The following FILIP1L variants were observed in gnomAD, a reference collection of about 807,000 sequenced individuals.
FILIP1L encodes the protein filamin A interacting protein 1 like, also known as filamin A-interacting protein 1-like.
A neutral mutation model predicts 96.6 loss-of-function variants in FILIP1L; 55 were observed. The ratio of observed to expected loss-of-function variants is 0.57; its 90% confidence interval spans 0.46 to 0.71. The LOEUF (loss-of-function observed/expected upper bound fraction) is 0.71. Ranked by LOEUF, FILIP1L falls within the 30% of genes least tolerant of loss-of-function variation. FILIP1L has a pLI of 0.00. For missense variants in FILIP1L, 1,304 were observed against 1,321.2 expected, an observed-to-expected ratio of 0.99 and a Z score of 0.20; for synonymous variants, 467 against 473.9, an observed-to-expected ratio of 0.99 and a Z score of 0.19.
chr3:100,006,240 G>GC (rs1709982167), intron 1 of FILIP1L, among the ~76,000 whole-genome samples: 1 of 152,080 alleles, frequency 6.6e-6, no homozygotes, highest in East Asian at 1.9e-4. Context: ...GTTTTCCCCA[G>GC]CCCTCAACTG....
At chr3:99,853,328 C>T (rs956384842) in intron 4 of FILIP1L, among the ~76,000 whole-genome samples, 2 of 152,196 alleles carry the variant, frequency 1.3e-5, no homozygotes, top group Non-Finnish European at 2.9e-5. Context: ...ACAGTTCTTA[C>T]AGTTTTATTA....
chr3:100,013,770 G>T (rs933818171), intron 1 of FILIP1L, among the ~76,000 whole-genome samples: 1 of 152,152 alleles, frequency 6.6e-6, no homozygotes, highest in African/African-American at 2.4e-5. Context: ...CTTGTGAAAT[G>T]ATTAAATCCA....
intron 1 of FILIP1L, among the ~76,000 whole-genome samples, chr3:100,103,841 A>G (rs2066349763): frequency 6.6e-6 from 1 of 152,218 alleles, no homozygotes; most frequent in Admixed American, 6.5e-5. Context: ...AAAAGAGTCT[A>G]TGCCCTGTGT....
At chr3:99,906,057 G>A (rs953957819) in intron 4 of FILIP1L, among the ~76,000 whole-genome samples, 2 of 152,236 alleles carry the variant, frequency 1.3e-5, no homozygotes, top group African/African-American at 4.8e-5. Flanking sequence ...GCTGGGCATG[G>A]TGGTGCATGC....
intron 1 of FILIP1L, among the ~76,000 whole-genome samples, chr3:100,113,034 T>C (rs773665681): frequency 4.6e-5 from 7 of 152,238 alleles, no homozygotes; most frequent in Admixed American, 1.3e-4. Flanking sequence ...TTCTCCTTTA[T>C]GCATATCTAA....
At chr3:99,942,999 G>A (rs1707897083) in intron 1 of FILIP1L, among the ~76,000 whole-genome samples, 1 of 152,116 alleles carries the variant, frequency 6.6e-6, no homozygotes, top group African/African-American at 2.4e-5. Flanking sequence ...TTATTTCAAG[G>A]GGCAAAGAGC....
chr3:100,055,178 C>T (rs1310266075), intron 1 of FILIP1L, among the ~76,000 whole-genome samples: 7 of 152,184 alleles, frequency 4.6e-5, no homozygotes, highest in Non-Finnish European at 1.0e-4. Context: ...CAGTTCTCCT[C>T]GTCCTACTCT....
At chr3:99,900,864 A>G (rs1258244540) in intron 4 of FILIP1L, among the ~76,000 whole-genome samples, 1 of 152,220 alleles carries the variant, frequency 6.6e-6, no homozygotes, top group Non-Finnish European at 1.5e-5. Flanking sequence ...TACATGTAGC[A>G]AAGTGTTAGA....
At chr3:99,876,092 C>A in intron 4 of FILIP1L, 2 of 986,390 alleles carry the variant, frequency 2.0e-6, no homozygotes, top group Non-Finnish European at 2.4e-6. Flanking sequence ...TGCGCCGGGG[C>A]CGGGCGGGGG....
intron 4 of FILIP1L, among the ~76,000 whole-genome samples, chr3:99,863,899 C>G (rs2107562693): frequency 6.6e-6 from 1 of 152,278 alleles, no homozygotes; most frequent in South Asian, 2.1e-4. Context: ...AAACACTGTT[C>G]CTCAGCATCT....
At chr3:100,058,637 T>G (rs1328002329) in intron 1 of FILIP1L, among the ~76,000 whole-genome samples, 10 of 152,264 alleles carry the variant, frequency 6.6e-5, no homozygotes, top group Admixed American at 5.9e-4. Flanking sequence ...TCCTCTAAAT[T>G]CCCAAGCACC....
chr3:99,968,968 G>GA (rs11414872), intron 1 of FILIP1L, among the ~76,000 whole-genome samples: 148,879 of 151,446 alleles, frequency 0.98, 73,201 homozygotes, highest in Middle Eastern at 1. Flanking sequence ...GAAGCAAAAA[G>GA]AAAAAAAAAT....
At chr3:100,096,653 AG>A (rs1164472587) in intron 1 of FILIP1L, among the ~76,000 whole-genome samples, 2 of 151,898 alleles carry the variant, frequency 1.3e-5, no homozygotes, top group African/African-American at 4.8e-5. Context: ...GGGTTAGTTA[AG>A]GAGTACAAAA....
At chr3:99,866,994 T>C (rs1211228337) in intron 4 of FILIP1L, among the ~76,000 whole-genome samples, 1 of 152,214 alleles carries the variant, frequency 6.6e-6, no homozygotes, top group East Asian at 1.9e-4. Context: ...TATGTTTTCC[T>C]TTTCAGCAAC....
At chr3:100,108,105 G>T (rs1384141526) in intron 1 of FILIP1L, among the ~76,000 whole-genome samples, 2 of 152,172 alleles carry the variant, frequency 1.3e-5, no homozygotes, top group Admixed American at 6.6e-5. Context: ...GGGTCCCAAA[G>T]AAAATACATG....
At chr3:99,840,221 C>CTTTTTTTTTTTTTTTTTTTTTTTTT (rs10935982) in intron 5 of FILIP1L, among the ~76,000 whole-genome samples, 1 of 102,144 alleles carries the variant, frequency 9.8e-6, no homozygotes, top group Non-Finnish European at 1.9e-5. Flanking sequence ...TTCGTAGAAT[C>CTTTTTTTTTTTTTTTTTTTTTTTTT]TTTTTTTTTT....
At chr3:100,011,113 C>T (rs543564527) in intron 1 of FILIP1L, among the ~76,000 whole-genome samples, 4 of 152,180 alleles carry the variant, frequency 2.6e-5, no homozygotes, top group Non-Finnish European at 4.4e-5. Flanking sequence ...ATATTAAGCA[C>T]GACAGAGACA....
Position 99,830,089 on chromosome 3 carries a change from A to G in FILIP1L, c.*325T>C, listed in dbSNP as rs1423896684. ...ATGAAGAATTACTTCTGTTTTCACC[A>G]GAAAACTCTTGAACTGTTCTAGTGA... On this transcript the variant is annotated 3_prime_UTR_variant, in exon 6 of 6. Transcript: ENST00000477258. The G allele has an allele frequency of 6.5e-6, 1 of 154,036 alleles. No individual in the cohort carries two copies. Among genetic ancestry groups the G allele is most frequent in the Non-Finnish European group, 1.5e-5 (1 of 68,870 alleles). The allele number at this position is 154,036 out of a possible 1,614,324, so 9.5% of individuals were successfully genotyped here.
intron 4 of FILIP1L, among the ~76,000 whole-genome samples, chr3:99,862,653 T>C (rs144930041): frequency 6.6e-5 from 10 of 152,310 alleles, no homozygotes; most frequent in Admixed American, 2.0e-4. Flanking sequence ...CTACTGAATG[T>C]CTCCAGACAT....
Sources: gnomAD v4.1 joint callset for allele counts (sites outside exome capture counted in the v4.1 genomes callset) on GRCh38, gnomAD v4.1.1 for gene constraint, MANE v1.5 for transcripts, NCBI Gene and HGNC (gene_info 2026-07-23, HGNC 2026-07-21) for gene names.